Variants in TMEM178B observed in about 807,000 individuals in gnomAD.
TMEM178B encodes the protein transmembrane protein 178B.
In TMEM178B, 5 loss-of-function variants were observed where a neutral mutation model predicts 31.0. The observed-to-expected ratio is 0.16, with a 90% CI of 0.08 to 0.34. TMEM178B has a LOEUF of 0.34. Ranked by LOEUF, TMEM178B falls within the 10% of genes least tolerant of loss-of-function variation. The probability of loss-of-function intolerance (pLI) is 1.00; values close to 1 mark genes in which losing one functional copy is unlikely to be tolerated. For missense variants in TMEM178B, 275 were observed against 400.3 expected (o/e 0.69, Z 2.67); for synonymous variants, 164 against 164.0 (o/e 1.00, Z 0.00).
At chr7:141,355,874 C>T (rs1306569263) in intron 2 of TMEM178B, among the ~76,000 whole-genome samples, 1 of 152,196 alleles carries the variant, frequency 6.6e-6, no homozygotes, top group East Asian at 1.9e-4. Context: ...CTCTTTCTCT[C>T]CCCACTCTAG....
intron 1 of TMEM178B, among the ~76,000 whole-genome samples, chr7:141,187,664 G>A (rs1453553685): frequency 2.6e-5 from 4 of 152,170 alleles, no homozygotes; most frequent in Non-Finnish European, 5.9e-5. Flanking sequence ...TCTCATTGTG[G>A]TTTTGATTTG....
At chr7:141,284,123 A>G (rs559908247) in intron 2 of TMEM178B, among the ~76,000 whole-genome samples, 13 of 152,316 alleles carry the variant, frequency 8.5e-5, no homozygotes, top group African/African-American at 3.1e-4. Flanking sequence ...AATGAACAAC[A>G]CAGGCTTAAG....
chr7:141,420,699 A>G (rs1279680119), intron 2 of TMEM178B, among the ~76,000 whole-genome samples: 3 of 152,210 alleles, frequency 2.0e-5, no homozygotes, highest in African/African-American at 7.2e-5. Context: ...CCTCAGGCAC[A>G]GTGACTCCCA....
chr7:141,223,935 G>A (rs915285075), intron 2 of TMEM178B, among the ~76,000 whole-genome samples: 2 of 152,132 alleles, frequency 1.3e-5, no homozygotes, highest in African/African-American at 2.4e-5. Flanking sequence ...TGGTTTGACT[G>A]TGTCCCCACC....
intron 2 of TMEM178B, among the ~76,000 whole-genome samples, chr7:141,286,887 A>T (rs564833490): frequency 6.6e-6 from 1 of 152,336 alleles, no homozygotes; most frequent in East Asian, 1.9e-4. Context: ...TCAAATTTGA[A>T]TTACAAATAA....
intron 2 of TMEM178B, among the ~76,000 whole-genome samples, chr7:141,235,488 A>G (rs889260857): frequency 2.0e-5 from 3 of 152,230 alleles, no homozygotes; most frequent in Non-Finnish European, 4.4e-5. Flanking sequence ...TTATTAATCT[A>G]ATCATGGAAT....
At chr7:141,104,909 G>A (rs1427179252) in intron 1 of TMEM178B, among the ~76,000 whole-genome samples, 3 of 152,308 alleles carry the variant, frequency 2.0e-5, no homozygotes, top group Middle Eastern at 3.4e-3. Flanking sequence ...TGAGGTCTCT[G>A]GGGGTAGGGG....
At chr7:141,454,316 C>T (rs34739376) in intron 3 of TMEM178B, among the ~76,000 whole-genome samples, 3,116 of 152,270 alleles carry the variant, frequency 0.02, 48 homozygotes, top group Middle Eastern at 0.048. Context: ...TCTCTCCTCT[C>T]TTTAGGAGGA....
Position 141,362,731 on chromosome 7 carries a change from C to T in TMEM178B, c.497-74877C>T, listed in dbSNP as rs562834005. Among the ~76,000 whole-genome samples, 17 of 152,264 alleles carry T rather than the reference C, an allele frequency of 1.1e-4. No homozygotes were observed. In the South Asian group the frequency reaches 2.9e-3, roughly 26 times the overall value. ...GGGCCTGGAATCTGGACATCCATGA[C>T]TAATTGGGAAAGCATCTGTGAGTTC... On this transcript the variant is annotated intron_variant, in intron 2 of 3. Transcript: ENST00000565468.
rs1311080687 is a variant in TMEM178B at position 141,480,021 on chromosome 7, CATAAT to C, written c.*9236_*9240del. 6 of 152,126 alleles carry C rather than the reference CATAAT, an allele frequency of 3.9e-5. No homozygotes were observed. Among genetic ancestry groups the C allele is most frequent in the Non-Finnish European group, 8.8e-5 (6 of 68,026 alleles). 9.4% of individuals were successfully genotyped at this position (152,126 alleles called of 1,614,324 possible). ...ATCTATTGTACTGTCTGTTCCTTCTCATAATTAATTAATTACAGGAAAGGCGATTC... is the reference window on the plus strand; with the variant it reads ...ATCTATTGTACTGTCTGTTCCTTCTCTAATTAATTACAGGAAAGGCGATTC... On this transcript the variant is annotated 3_prime_UTR_variant, in exon 4 of 4. Coordinates refer to ENST00000565468, the MANE Select transcript of TMEM178B (RefSeq NM_001195278.2).
At chr7:141,394,021 T>C (rs1800593133) in intron 2 of TMEM178B, among the ~76,000 whole-genome samples, 4 of 145,378 alleles carry the variant, frequency 2.8e-5, no homozygotes, top group Admixed American at 2.1e-4. Flanking sequence ...GAAACTCCTC[T>C]TTTTTTTTTT....
the TMEM178B span, among the ~76,000 whole-genome samples, chr7:141,496,517 A>C: frequency 6.7e-6 from 1 of 150,234 alleles, no homozygotes; most frequent in Non-Finnish European, 1.5e-5. Flanking sequence ...AAAAATACAA[A>C]AAATTAGCCA....
intron 1 of TMEM178B, among the ~76,000 whole-genome samples, chr7:141,083,629 G>A (rs1032638033): frequency 6.6e-6 from 1 of 152,090 alleles, no homozygotes; most frequent in African/African-American, 2.4e-5. Context: ...TAATAAAAAC[G>A]AACTTTTCCT....
chr7:141,089,792 T>C (rs535588031), intron 1 of TMEM178B, among the ~76,000 whole-genome samples: 13 of 151,632 alleles, frequency 8.6e-5, no homozygotes, highest in African/African-American at 3.1e-4. Context: ...TTCTCACTCA[T>C]AGGTGGGAAT....
At chr7:141,355,493 G>C (rs1799803535) in intron 2 of TMEM178B, among the ~76,000 whole-genome samples, 1 of 152,110 alleles carries the variant, frequency 6.6e-6, no homozygotes, top group Non-Finnish European at 1.5e-5. Context: ...TAATAACTAT[G>C]CCAATTCTTC....
chr7:141,430,945 C>T lies in TMEM178B; in HGVS notation c.497-6663C>T, dbSNP rs1275098986. On this transcript the variant is annotated intron_variant, in intron 2 of 3. Transcript: ENST00000565468. Reference sequence around the variant, plus strand: ...CACCCTCCTGCTTTGTAACCCAGGCCGCGTGCTCCTATCATGCAGAAGGGA... The same window carrying T: ...CACCCTCCTGCTTTGTAACCCAGGCTGCGTGCTCCTATCATGCAGAAGGGA... 3.3e-5 allele frequency among the ~76,000 whole-genome samples: 5 copies of T among 152,118 alleles called. No individual in the cohort carries two copies. In the East Asian group the frequency reaches 5.8e-4, roughly 18 times the overall value.
intron 2 of TMEM178B, among the ~76,000 whole-genome samples, chr7:141,326,642 G>A (rs1221478101): frequency 6.6e-6 from 1 of 152,128 alleles, no homozygotes; most frequent in Non-Finnish European, 1.5e-5. Context: ...GGAACACAAC[G>A]ATGCCCCTTC....
At chr7:141,260,937 A>G (rs984807489) in intron 2 of TMEM178B, among the ~76,000 whole-genome samples, 1 of 152,228 alleles carries the variant, frequency 6.6e-6, no homozygotes, top group African/African-American at 2.4e-5. Flanking sequence ...ATTAGGCTTA[A>G]AACAGTTAAT....
chr7:141,432,535 A>G (rs1472193588), intron 2 of TMEM178B, among the ~76,000 whole-genome samples: 2 of 152,204 alleles, frequency 1.3e-5, no homozygotes, highest in African/African-American at 4.8e-5. Flanking sequence ...TGGCAGGACT[A>G]TTAATATATA....
Sources: gnomAD v4.1 joint callset for allele counts (sites outside exome capture counted in the v4.1 genomes callset) on GRCh38, gnomAD v4.1.1 for gene constraint, MANE v1.5 for transcripts, NCBI Gene and HGNC (gene_info 2026-07-23, HGNC 2026-07-21) for gene names.